The following FRMD3 variants were observed in gnomAD, a reference collection of about 807,000 sequenced individuals.
FRMD3 encodes FERM domain containing 3.
Under a neutral mutation model 70.2 loss-of-function variants are expected in FRMD3, and 33 were observed. That is an observed-to-expected ratio of 0.47 (90% CI 0.36 to 0.63). The LOEUF is 0.63. Among genes scored for constraint, FRMD3 ranks in the 20% least tolerant of loss-of-function variants. The pLI is 0.00. For synonymous variants in FRMD3, 279 were observed against 255.9 expected, an observed-to-expected ratio of 1.09 and a Z score of -0.86; for missense variants, 632 against 711.4, an observed-to-expected ratio of 0.89 and a Z score of 1.27.
intron 13 of FRMD3, among the ~76,000 whole-genome samples, chr9:83,248,869 C>A (rs1832262922): frequency 6.6e-6 from 1 of 152,102 alleles, no homozygotes; most frequent in Non-Finnish European, 1.5e-5. Context: ...TAGAGGTCAA[C>A]AATATCACCC....
the FRMD3 span, among the ~76,000 whole-genome samples, chr9:83,568,388 G>A: frequency 6.6e-6 from 1 of 152,010 alleles, no homozygotes; most frequent in East Asian, 1.9e-4. Context: ...AAATTAATTG[G>A]GGAGATCAAA....
At chr9:83,393,352 A>T (rs780767983) in intron 1 of FRMD3, among the ~76,000 whole-genome samples, 10 of 152,218 alleles carry the variant, frequency 6.6e-5, no homozygotes, top group Admixed American at 3.9e-4. Flanking sequence ...ATGCCAGAAC[A>T]TGAACAGTGC....
chr9:83,438,620 G>A (rs759475962), intron 1 of FRMD3, among the ~76,000 whole-genome samples: 80 of 152,114 alleles, frequency 5.3e-4, no homozygotes, highest in Non-Finnish European at 8.2e-4. Flanking sequence ...GGCTGTTCTC[G>A]AACTCCTAAC....
At chr9:83,440,798 T>G (rs7034859) in intron 1 of FRMD3, among the ~76,000 whole-genome samples, 2,682 of 152,268 alleles carry the variant, frequency 0.018, 82 homozygotes, top group African/African-American at 0.061. Flanking sequence ...GTGCCTTGCA[T>G]AATTGAGGTA....
intron 13 of FRMD3, among the ~76,000 whole-genome samples, chr9:83,253,592 G>A (rs57747270): frequency 0.11 from 16,385 of 152,040 alleles, 2,882 homozygotes; most frequent in African/African-American, 0.37. Context: ...TTAGAATGGC[G>A]ATCATTAAAA....
intron 11 of FRMD3, 41 bp from the exon 12 acceptor site, chr9:83,298,857 G>C (rs769310741): frequency 1.9e-6 from 3 of 1,568,440 alleles, no homozygotes; most frequent in Non-Finnish European, 8.8e-7. Context: ...CACATAGTCA[G>C]AGAAGAATGG....
chr9:83,464,114 A>G (rs1454302121), intron 1 of FRMD3, among the ~76,000 whole-genome samples: 1 of 152,220 alleles, frequency 6.6e-6, no homozygotes, highest in Non-Finnish European at 1.5e-5. Flanking sequence ...ACTTCCTGCC[A>G]TCACCTTGCC....
Position 83,247,091 on chromosome 9 carries a change from A to G in FRMD3, c.*827T>C. On this transcript the variant is annotated 3_prime_UTR_variant, in exon 14 of 14. Coordinates refer to ENST00000304195, the MANE Select transcript of FRMD3 (RefSeq NM_174938.6). ...AGCCAAAATATACGGACAGAATACA[A>G]ATGAAAATAACAAGTCCTCTTGTCC... The G allele has an allele frequency of 1.0e-6, 1 of 985,416 alleles. No individual in the cohort carries two copies. Among genetic ancestry groups the G allele is most frequent in the Non-Finnish European group, 1.2e-6 (1 of 829,932 alleles). 61.0% of individuals were successfully genotyped at this position (985,416 alleles called of 1,614,324 possible). A position where few individuals can be genotyped will look rare whatever the true frequency, so the allele number is the denominator to read the frequency against.
intron 1 of FRMD3, among the ~76,000 whole-genome samples, chr9:83,411,388 G>A (rs994996023): frequency 6.6e-6 from 1 of 152,168 alleles, no homozygotes; most frequent in Non-Finnish European, 1.5e-5. Flanking sequence ...GAGAAAAGGA[G>A]GGGAGATTCT....
rs748453749 is a variant in FRMD3 at position 83,248,443 on chromosome 9, C to T, written c.1269G>A (p.Glu423=). Residue 423 remains glutamate, a synonymous_variant, in exon 14 of 14, where the codon GAG becomes GAA. Coordinates refer to ENST00000304195, the MANE Select transcript of FRMD3 (RefSeq NM_174938.6). ...ISSSPVKAAR[E]YEDPPSEEED... is the part of the protein sequence containing the mutation. ...CCTCTTCACTAGGGGGATCTTCATA[C>T]TCCCGGGCTGCCTTCACTGGGGAGC... 2 of 1,614,104 alleles carry T rather than the reference C, an allele frequency of 1.2e-6. No homozygotes were observed. Among genetic ancestry groups the T allele is most frequent in the South Asian group, 1.1e-5 (1 of 91,076 alleles).
At chr9:83,539,666 A>G (rs1245994101), upstream of FRMD3, among the ~76,000 whole-genome samples, 3 of 152,026 alleles carry the variant, frequency 2.0e-5, no homozygotes, top group African/African-American at 7.2e-5. Flanking sequence ...GGGGTTGGCT[A>G]AGGTTTGGGG....
In FRMD3 at chr9:83,247,256, A is replaced by G. The variant is rs1832149694; in HGVS notation, c.*662T>C. On this transcript the variant is annotated 3_prime_UTR_variant, in exon 14 of 14. Transcript: ENST00000304195. ...TTCTATCTCCTATGCAGATCATAAC[A>G]AATTATGGTATTGTTCAGCCAAAAA... 1.0e-6 allele frequency: 1 copy of G among 985,326 alleles called. No individual in the cohort carries two copies. Among genetic ancestry groups the G allele is most frequent in the African/African-American group, 1.7e-5 (1 of 57,350 alleles). The allele number at this position is 985,326 out of a possible 1,614,324, so 61.0% of individuals were successfully genotyped here.
chr9:83,458,845 G>A (rs1015163039), intron 1 of FRMD3, among the ~76,000 whole-genome samples: 1 of 151,946 alleles, frequency 6.6e-6, no homozygotes, highest in African/African-American at 2.4e-5. Context: ...ACTTGGTGCA[G>A]AAAAAAAATT....
At chr9:83,311,766 C>T (rs1309300544) in intron 8 of FRMD3, 121 bp downstream of exon 8, 2 of 757,864 alleles carry the variant, frequency 2.6e-6, no homozygotes, top group South Asian at 1.6e-5. Flanking sequence ...TATGATGAAG[C>T]TCCAAGGCAA....
At chr9:83,407,373 T>C (rs2131331185) in intron 1 of FRMD3, among the ~76,000 whole-genome samples, 1 of 152,294 alleles carries the variant, frequency 6.6e-6, no homozygotes, top group Non-Finnish European at 1.5e-5. Context: ...AAGGATATAA[T>C]GGTGGAATTG....
intron 4 of FRMD3, among the ~76,000 whole-genome samples, chr9:83,348,960 T>C (rs767731520): frequency 6.6e-6 from 1 of 152,226 alleles, no homozygotes; most frequent in Non-Finnish European, 1.5e-5. Context: ...GTTGCATCTA[T>C]CTGTACCTAA....
chr9:83,283,546 A>AAT (rs1554681491), intron 13 of FRMD3, among the ~76,000 whole-genome samples: 41 of 25,932 alleles, frequency 1.6e-3, no homozygotes, highest in Middle Eastern at 0.031. Context: ...AAAAAAAAAA[A>AAT]AATAATAATA....
chr9:83,564,542 TAA>T, the FRMD3 span, among the ~76,000 whole-genome samples: 1 of 152,190 alleles, frequency 6.6e-6, no homozygotes, highest in African/African-American at 2.4e-5. Context: ...TTTTCCTAAA[TAA>T]AGCAAATCAA....
At chr9:83,264,102 AATCAGTGAGCAC>A (rs1833117636) in intron 13 of FRMD3, among the ~76,000 whole-genome samples, 1 of 152,302 alleles carries the variant, frequency 6.6e-6, no homozygotes, top group African/African-American at 2.4e-5. Context: ...CTGGAAAATA[AATCAGTGAGCAC>A]ATCCAGACAA....
Sources: allele counts gnomAD v4.1 joint callset (sites outside exome capture counted in the v4.1 genomes callset), GRCh38; gene constraint gnomAD v4.1.1; transcripts MANE v1.5; gene names NCBI Gene and HGNC (gene_info 2026-07-23, HGNC 2026-07-21).